Variants in UGT1A10 observed in about 807,000 individuals in gnomAD.
UGT1A10 encodes the protein UDP-glucuronosyltransferase 1A10.
UGT1A10 carries 49 observed loss-of-function variants against 45.8 expected under a neutral mutation model. The observed-to-expected ratio is 1.07, with a 90% CI of 0.85 to 1.36. UGT1A10 has a LOEUF of 1.36. Ranked by LOEUF, UGT1A10 falls within the 40% of genes most tolerant of loss-of-function variation. UGT1A10 has a pLI of 0.00. For missense variants in UGT1A10, 745 were observed against 668.6 expected, an observed-to-expected ratio of 1.11 and a Z score of -1.26; for synonymous variants, 284 against 249.7, an observed-to-expected ratio of 1.14 and a Z score of -1.29.
At chr2:233,737,020 G>A (rs2078835336) in intron 1 of UGT1A10, among the ~76,000 whole-genome samples, 1 of 152,228 alleles carries the variant, frequency 6.6e-6, no homozygotes, top group African/African-American at 2.4e-5. Context: ...GAGGCAGTCT[G>A]TCCATTCTCA....
intron 1 of UGT1A10, chr2:233,648,836 A>AT: frequency 1.8e-6 from 2 of 1,122,400 alleles, no homozygotes; most frequent in Non-Finnish European, 2.6e-6. Flanking sequence ...TTTTGCCCAT[A>AT]TTTTTTCAAA....
rs1697701353 is a variant in UGT1A10, at chr2:233,761,179, G to A, written c.856-5855G>A. ...GTGTATTGGAGTGGGACTTTTACAT[G>A]CGTATATTCTTTCAGATGTATTACT... On this transcript the variant is annotated intron_variant, in intron 1 of 4. Transcript: ENST00000344644. 3 of 1,614,024 alleles carry A rather than the reference G, an allele frequency of 1.9e-6. No individual in the cohort carries two copies. In the South Asian group the frequency reaches 3.3e-5, roughly 18 times the overall value.
intron 1 of UGT1A10, among the ~76,000 whole-genome samples, chr2:233,667,171 G>T (rs1439181402): frequency 6.6e-6 from 1 of 152,130 alleles, no homozygotes; most frequent in East Asian, 1.9e-4. Context: ...ACCCAGTAAT[G>T]GGATGGCTGG....
At chr2:233,709,022 A>C (rs1052835676) in intron 1 of UGT1A10, among the ~76,000 whole-genome samples, 4 of 152,110 alleles carry the variant, frequency 2.6e-5, no homozygotes, top group Non-Finnish European at 5.9e-5. Flanking sequence ...CCCAAGCAGC[A>C]GGGGCTTCAG....
intron 1 of UGT1A10, chr2:233,761,102 T>A: frequency 6.2e-7 from 1 of 1,614,234 alleles, no homozygotes; most frequent in Non-Finnish European, 8.5e-7. Context: ...ATGCCCAATA[T>A]GGTTTTTGTT....
chr2:233,703,443 C>T (rs1040627935), intron 1 of UGT1A10, among the ~76,000 whole-genome samples: 3 of 151,842 alleles, frequency 2.0e-5, no homozygotes, highest in African/African-American at 7.3e-5. Context: ...ATTTCTATGT[C>T]GTTAATTTCC....
intron 1 of UGT1A10, among the ~76,000 whole-genome samples, chr2:233,656,649 C>T (rs2073859879): frequency 1.3e-5 from 2 of 152,102 alleles, no homozygotes; most frequent in South Asian, 4.1e-4. Context: ...TCCATCTCAT[C>T]TCTATTTTAA....
In UGT1A10 at chr2:233,767,881, G is replaced by A. The variant is rs1468683280; in HGVS notation, c.1020G>A (p.Ser340=). The A allele has an allele frequency of 1.1e-5, 17 of 1,613,962 alleles. No individual in the cohort carries two copies. The highest frequency in any genetic ancestry group is 1.2e-5 in the Non-Finnish European group (14 of 1,180,050). ...VLWRYTGTRP[S]NLANNTILVK... is the part of the protein sequence containing the mutation. ...GGCGGTACACTGGAACCCGACCATC[G>A]AATCTTGCGAACAACACGATACTTG... The change falls in exon 3 of 5, where the codon TCG becomes TCA. Residue 340 remains serine, a synonymous_variant. Transcript: ENST00000344644.
Position 233,772,354 on chromosome 2 carries a change from T to C in UGT1A10, c.1388T>C (p.Met463Thr). 1 of 1,614,252 alleles carries C rather than the reference T, an allele frequency of 6.2e-7. No individual in the cohort carries two copies. The highest frequency in any genetic ancestry group is 8.5e-7 in the Non-Finnish European group (1 of 1,180,050). ...GCCGTGTTCTGGGTGGAGTTTGTGATGAGGCACAAGGGCGCGCCACACCTG... is the reference window on the plus strand; with the variant it reads ...GCCGTGTTCTGGGTGGAGTTTGTGACGAGGCACAAGGGCGCGCCACACCTG... ...DLAVFWVEFV[M>T]RHKGAPHLRP... Residue 463 changes from methionine to threonine, a missense_variant, in exon 5 of 5, where the codon ATG becomes ACG. Transcript: ENST00000344644.
intron 1 of UGT1A10, among the ~76,000 whole-genome samples, chr2:233,639,522 C>T (rs2073391531): frequency 6.6e-6 from 1 of 152,154 alleles, no homozygotes; most frequent in African/African-American, 2.4e-5. Context: ...TGCTGGGAAA[C>T]AGGATTCAGA....
At chr2:233,729,140 T>C (rs764216877) in intron 1 of UGT1A10, 7 of 1,613,266 alleles carry the variant, frequency 4.3e-6, no homozygotes, top group East Asian at 2.2e-5. Context: ...GCCACAGGAC[T>C]CCAGGTTCCC....
intron 1 of UGT1A10, among the ~76,000 whole-genome samples, chr2:233,685,222 G>A (rs989552534): frequency 5.9e-5 from 9 of 151,998 alleles, no homozygotes; most frequent in Non-Finnish European, 7.4e-5. Context: ...TAATAGAGAC[G>A]GGGTTTCACC....
chr2:233,742,188 G>A (rs1460351470), intron 1 of UGT1A10, among the ~76,000 whole-genome samples: 8 of 151,916 alleles, frequency 5.3e-5, no homozygotes, highest in Non-Finnish European at 8.8e-5. Context: ...AGTGTGGAGT[G>A]GGAAATCAGG....
intron 1 of UGT1A10, among the ~76,000 whole-genome samples, chr2:233,724,167 C>T (rs1161532135): frequency 7.9e-6 from 1 of 127,032 alleles, no homozygotes; most frequent in Non-Finnish European, 1.6e-5. Context: ...GGGGCTGACC[C>T]CCCCATCTCC....
intron 1 of UGT1A10, among the ~76,000 whole-genome samples, chr2:233,703,347 G>A (rs1484527518): frequency 6.6e-6 from 1 of 151,270 alleles, no homozygotes; most frequent in Admixed American, 6.6e-5. Flanking sequence ...TTTTTTCTTT[G>A]TTAATCTAAC....
In UGT1A10 at chr2:233,769,978, G is replaced by A. The variant is rs35883224; in HGVS notation, c.1295+1539G>A. The stretch of plus-strand genomic sequence containing the variant: ...CTTCTGGCCACCTCAATGTCAGGAT[G>A]TCCTGCTCACATATCAATACCATTA... On this transcript the variant is annotated intron_variant, in intron 4 of 4. Transcript: ENST00000344644. The surrounding 1 kb of genome is among the most constrained non-coding windows in gnomAD (Gnocchi z 4.4). 117 of 202,284 alleles carry A rather than the reference G, an allele frequency of 5.8e-4. 1 individual carries two copies. Among genetic ancestry groups the A allele is most frequent in the African/African-American group, 2.5e-3 (109 of 43,540 alleles). The allele number at this position is 202,284 out of a possible 1,614,324, so 12.5% of individuals were successfully genotyped here.
At chr2:233,719,051 G>T in intron 1 of UGT1A10, 1 of 1,614,262 alleles carries the variant, frequency 6.2e-7, no homozygotes, top group Non-Finnish European at 8.5e-7. Context: ...TTTTCACCCT[G>T]ACAGCCTATG....
chr2:233,638,377 C>A (rs1313755421), intron 1 of UGT1A10, among the ~76,000 whole-genome samples: 1 of 152,002 alleles, frequency 6.6e-6, no homozygotes, highest in Non-Finnish European at 1.5e-5. Context: ...ATCTTGTATC[C>A]AGCCACATCA....
chr2:233,729,177 G>C, intron 1 of UGT1A10: 1 of 1,613,894 alleles, frequency 6.2e-7, no homozygotes, highest in Non-Finnish European at 8.5e-7. Flanking sequence ...CAGGACTGCT[G>C]CTTCTCCTCA....
Sources: gnomAD v4.1 joint callset for allele counts (sites outside exome capture counted in the v4.1 genomes callset) on GRCh38, gnomAD v4.1.1 for gene constraint, Gnocchi (gnomAD v3.1) non-coding constraint, MANE v1.5 for transcripts, NCBI Gene and HGNC (gene_info 2026-07-23, HGNC 2026-07-21) for gene names.